COL5A2: variants seen among roughly 807,000 people sequenced by gnomAD.
COL5A2 encodes collagen type V alpha 2 chain.
A neutral mutation model predicts 208.2 loss-of-function variants in COL5A2; 23 were observed. The ratio of observed to expected loss-of-function variants is 0.11; its 90% CI spans 0.08 to 0.16. The LOEUF is 0.16. Ranked by LOEUF, COL5A2 falls within the 10% of genes least tolerant of loss-of-function variation. COL5A2 has a pLI of 1.00. For missense variants in COL5A2, 1,590 were observed against 1,956.4 expected (o/e 0.81, Z 3.53); for synonymous variants, 625 against 628.5 (o/e 0.99, Z 0.08).
intron 8 of COL5A2, 132 bp from the exon 9 acceptor site, chr2:189,086,902 C>G: frequency 1.3e-6 from 1 of 756,788 alleles, no homozygotes; most frequent in Non-Finnish European, 2.3e-6. Context: ...CATTCTCCAT[C>G]TGTACTCATT....
At chr2:189,280,455 T>C in the COL5A2 span, among the ~76,000 whole-genome samples, 2 of 152,108 alleles carry the variant, frequency 1.3e-5, no homozygotes, top group Non-Finnish European at 2.9e-5. Flanking sequence ...ACTCTCTAAA[T>C]CCATTTTTTG....
At position 189,051,351 on chromosome 2, in the gene COL5A2, T is replaced by A; in HGVS notation, c.2900A>T (p.Asp967Val). The A allele has an allele frequency of 6.2e-7, 1 of 1,613,958 alleles. No homozygotes were observed. The highest frequency in any genetic ancestry group is 8.5e-7 in the Non-Finnish European group (1 of 1,179,934). The change falls in exon 42 of 54, where the codon GAC becomes GTC. Residue 967 changes from aspartate (D) to valine (V), a missense_variant. Physicochemically the swap from Asp to Val is radical, Grantham distance 152. Transcript: ENST00000374866. ...CCCATCTTCTCCTGGGTCCCCTTTGTCTCCTGGGCCACCAGGGGGGCCAGC... is the reference window on the plus strand; with the variant it reads ...CCCATCTTCTCCTGGGTCCCCTTTGACTCCTGGGCCACCAGGGGGGCCAGC... ...GPAGPPGGPG[D>V]KGDPGEDGQP...
the COL5A2 span, among the ~76,000 whole-genome samples, chr2:189,264,552 A>C: frequency 2.6e-5 from 4 of 152,316 alleles, no homozygotes; most frequent in East Asian, 5.8e-4. Flanking sequence ...ACCATAAAGA[A>C]AAGCAAAGAG....
chr2:189,403,373 CCT>C, the COL5A2 span, among the ~76,000 whole-genome samples: 1 of 152,154 alleles, frequency 6.6e-6, no homozygotes, highest in Non-Finnish European at 1.5e-5. Flanking sequence ...ACTTTGACTT[CCT>C]CTCTTCTTAT....
intron 1 of COL5A2, among the ~76,000 whole-genome samples, chr2:189,204,879 G>A (rs1243810354): frequency 1.3e-5 from 2 of 152,210 alleles, no homozygotes; most frequent in East Asian, 3.9e-4. Context: ...ATTTATTTGT[G>A]ACCCCAGGTC....
chr2:189,200,586 C>T (rs924763077), intron 1 of COL5A2, among the ~76,000 whole-genome samples: 31 of 144,202 alleles, frequency 2.1e-4, no homozygotes, highest in African/African-American at 8.0e-4. Flanking sequence ...GAGATAATGA[C>T]CAAGAGTTTT....
chr2:189,268,973 C>T, the COL5A2 span, among the ~76,000 whole-genome samples: 1 of 152,024 alleles, frequency 6.6e-6, no homozygotes, highest in Admixed American at 6.6e-5. Context: ...CTTTGTAATA[C>T]TCTGAAACCA....
At chr2:189,042,568 C>T (rs1450657635) in intron 49 of COL5A2, 152 bp downstream of exon 49, 20 of 712,072 alleles carry the variant, frequency 2.8e-5, no homozygotes, top group African/African-American at 5.3e-5. Context: ...AAATTAATTG[C>T]TAAATAGCTT....
the COL5A2 span, among the ~76,000 whole-genome samples, chr2:189,237,173 A>G: frequency 1.3e-5 from 2 of 151,664 alleles, no homozygotes; most frequent in Admixed American, 1.3e-4. Flanking sequence ...AGATTTTTTT[A>G]AATGTATACC....
chr2:189,280,075 C>A, the COL5A2 span, among the ~76,000 whole-genome samples: 281 of 152,162 alleles, frequency 1.8e-3, 1 homozygote, highest in Non-Finnish European at 3.5e-3. Flanking sequence ...AAGAAGGAGA[C>A]CCTCACCAGA....
chr2:189,106,660 A>G (rs371327100), intron 2 of COL5A2, among the ~76,000 whole-genome samples: 2 of 151,126 alleles, frequency 1.3e-5, no homozygotes, highest in East Asian at 1.9e-4. Context: ...GATAATGGAT[A>G]CTCAGTCTAT....
the COL5A2 span, among the ~76,000 whole-genome samples, chr2:189,255,666 A>G: frequency 6.6e-6 from 1 of 152,200 alleles, no homozygotes; most frequent in African/African-American, 2.4e-5. Flanking sequence ...TTCCAATGCT[A>G]GACATTATAT....
the COL5A2 span, among the ~76,000 whole-genome samples, chr2:189,352,135 CT>C: frequency 5.9e-5 from 9 of 152,064 alleles, no homozygotes; most frequent in Admixed American, 3.9e-4. Context: ...TGAAGTCATC[CT>C]TTTTTCAGGG....
the COL5A2 span, among the ~76,000 whole-genome samples, chr2:189,411,657 C>A: frequency 1.0e-5 from 1 of 98,006 alleles, no homozygotes; most frequent in Admixed American, 1.1e-4. Flanking sequence ...GAATCAACAT[C>A]TGACTATTAC....
the COL5A2 span, among the ~76,000 whole-genome samples, chr2:189,262,678 T>C: frequency 6.6e-6 from 1 of 152,100 alleles, no homozygotes; most frequent in South Asian, 2.1e-4. Flanking sequence ...TATATTGTTC[T>C]AATTACATAA....
chr2:189,104,069 T>C (rs1485553624), intron 3 of COL5A2, among the ~76,000 whole-genome samples, 195 bp downstream of exon 3: 1 of 149,128 alleles, frequency 6.7e-6, no homozygotes, highest in Non-Finnish European at 1.5e-5. Context: ...AAATTAACCA[T>C]AAAGTGAATG....
chr2:189,095,829 T>C (rs1686899081), intron 6 of COL5A2: 1 of 152,078 alleles, frequency 6.6e-6, no homozygotes, highest in African/African-American at 2.4e-5. Context: ...TATTTCTGTC[T>C]TTCTAGATCT....
chr2:189,356,259 C>G, the COL5A2 span, among the ~76,000 whole-genome samples: 4 of 152,048 alleles, frequency 2.6e-5, no homozygotes, highest in Admixed American at 2.6e-4. Flanking sequence ...CTTGGGGTTG[C>G]TCTTCTTGAG....
At chr2:189,064,104 A>T in intron 25 of COL5A2, 71 bp from the exon 26 acceptor site, 1 of 1,252,956 alleles carries the variant, frequency 8.0e-7, no homozygotes, top group Non-Finnish European at 1.2e-6. Context: ...AAGAGTAAAA[A>T]TAGTGTTGCA....
Sources: gnomAD v4.1 joint callset for allele counts (sites outside exome capture counted in the v4.1 genomes callset) on GRCh38, gnomAD v4.1.1 for gene constraint, MANE v1.5 for transcripts, NCBI Gene and HGNC (gene_info 2026-07-23, HGNC 2026-07-21) for gene names.